The following ARHGAP22 variants were observed in gnomAD, a reference collection of about 807,000 sequenced individuals.
ARHGAP22 encodes rho GTPase-activating protein 22.
Under a neutral mutation model 59.1 loss-of-function variants are expected in ARHGAP22, and 48 were observed. The observed-to-expected ratio is 0.81, with a 90% confidence interval of 0.64 to 1.03. The LOEUF (loss-of-function observed/expected upper bound fraction) is 1.03. Among genes scored for constraint, ARHGAP22 ranks in the 50% least tolerant of loss-of-function variants. ARHGAP22 has a pLI of 0.00. For synonymous variants in ARHGAP22, 445 were observed against 416.4 expected (o/e 1.07, Z -0.84); for missense variants, 1,015 against 958.7 (o/e 1.06, Z -0.78).
At position 48,626,109 on chromosome 10, in the gene ARHGAP22, C is replaced by T. The variant is rs117647759; in HGVS notation, c.52+26125G>A. On this transcript the variant is annotated intron_variant, in intron 1 of 9. Transcript: ENST00000435790. ...ATCAACCCCATTTTTGGCCCAGCAG[C>T]GTGGATACTAGCATACTATTTGAAG... Among the ~76,000 whole-genome samples, 42 of 152,270 alleles carry T rather than the reference C, an allele frequency of 2.8e-4. No individual in the cohort carries two copies. The East Asian group carries it at 7.5e-3, about 27-fold the overall frequency.
At chr10:48,539,232 TA>T (rs1447848910) in intron 3 of ARHGAP22, among the ~76,000 whole-genome samples, 1 of 152,038 alleles carries the variant, frequency 6.6e-6, no homozygotes, top group Non-Finnish European at 1.5e-5. Context: ...TTTAGTTCAT[TA>T]CTTTTGAATA....
intron 3 of ARHGAP22, among the ~76,000 whole-genome samples, chr10:48,522,802 T>A (rs1425482387): frequency 6.6e-6 from 1 of 152,224 alleles, no homozygotes; most frequent in Admixed American, 6.5e-5. Context: ...TCTGGGACAA[T>A]GAGAACCTTG....
the ARHGAP22 span, among the ~76,000 whole-genome samples, chr10:48,433,401 G>A: frequency 6.6e-6 from 1 of 152,070 alleles, no homozygotes; most frequent in African/African-American, 2.4e-5. Flanking sequence ...TACTATGTAT[G>A]GTACACAGAT....
chr10:48,561,750 G>A (rs990909406), intron 2 of ARHGAP22, among the ~76,000 whole-genome samples: 3 of 152,194 alleles, frequency 2.0e-5, no homozygotes, highest in African/African-American at 7.2e-5. Context: ...AACATCATTA[G>A]TAGTTAGGAA....
intron 2 of ARHGAP22, among the ~76,000 whole-genome samples, chr10:48,563,564 C>T (rs1400918558): frequency 2.0e-5 from 3 of 152,172 alleles, no homozygotes; most frequent in African/African-American, 4.8e-5. Context: ...AAATGCTTGC[C>T]ATCGTAACAT....
At chr10:48,535,364 T>C (rs1030027337) in intron 3 of ARHGAP22, among the ~76,000 whole-genome samples, 19 of 152,196 alleles carry the variant, frequency 1.2e-4, no homozygotes, top group African/African-American at 4.1e-4. Context: ...CTGCTCCATG[T>C]GGTCACTCAG....
intron 3 of ARHGAP22, among the ~76,000 whole-genome samples, chr10:48,516,874 A>C (rs917503448): frequency 6.6e-6 from 1 of 152,240 alleles, no homozygotes; most frequent in African/African-American, 2.4e-5. Flanking sequence ...AAATCTACTG[A>C]TGAATGGATA....
chr10:48,511,782 C>T (rs1002867895), intron 3 of ARHGAP22, among the ~76,000 whole-genome samples: 2 of 152,340 alleles, frequency 1.3e-5, no homozygotes, highest in East Asian at 3.9e-4. Context: ...GTGGGGTTGC[C>T]TGGTCCTGAA....
intron 3 of ARHGAP22, among the ~76,000 whole-genome samples, chr10:48,534,565 C>T (rs535713485): frequency 4.6e-5 from 7 of 152,336 alleles, no homozygotes; most frequent in African/African-American, 9.6e-5. Context: ...GAGGCGGTCT[C>T]GGTTACCTGA....
intron 2 of ARHGAP22, among the ~76,000 whole-genome samples, chr10:48,557,561 G>A (rs906148848): frequency 1.4e-4 from 21 of 152,296 alleles, no homozygotes; most frequent in African/African-American, 5.1e-4. Context: ...TGTGCCCACC[G>A]CCCACAAGGG....
At chr10:48,531,659 CG>C (rs1437192761) in intron 3 of ARHGAP22, among the ~76,000 whole-genome samples, 16 of 4,004 alleles carry the variant, frequency 4.0e-3, no homozygotes, top group Non-Finnish European at 0.013. Flanking sequence ...AGGAGGGCAC[CG>C]AAGTACAGAG....
intron 9 of ARHGAP22, among the ~76,000 whole-genome samples, chr10:48,448,233 G>T (rs901035351): frequency 6.6e-6 from 1 of 152,198 alleles, no homozygotes; most frequent in Non-Finnish European, 1.5e-5. Context: ...GGGGTCTTGG[G>T]GTCAGTGCTG....
At chr10:48,553,564 G>T (rs139255300) in intron 3 of ARHGAP22, among the ~76,000 whole-genome samples, 2 of 152,164 alleles carry the variant, frequency 1.3e-5, no homozygotes, top group Non-Finnish European at 2.9e-5. Context: ...TAATCTCCAC[G>T]GTCTGTTTTT....
intron 1 of ARHGAP22, among the ~76,000 whole-genome samples, chr10:48,636,313 C>A (rs78623561): frequency 0.044 from 6,663 of 152,278 alleles, 193 homozygotes; most frequent in Admixed American, 0.072. Context: ...CCCAGCCCTG[C>A]ATCCATGCTG....
chr10:48,640,018 G>T (rs1303434110), intron 1 of ARHGAP22, among the ~76,000 whole-genome samples: 1 of 152,126 alleles, frequency 6.6e-6, no homozygotes. Context: ...ATTTCAATGA[G>T]ATAGAAAATA....
rs150781280 is a variant in ARHGAP22 at position 48,602,802 on chromosome 10, T to C, written c.34+1961A>G. Reference sequence around the variant, plus strand: ...AGGAGTATACAACTGCAACCTATGGTAAATACCATAAAGAAAAGGAGAGAT... The same window carrying C: ...AGGAGTATACAACTGCAACCTATGGCAAATACCATAAAGAAAAGGAGAGAT... On this transcript the variant is annotated intron_variant, in intron 1 of 9. Transcript: ENST00000249601. 4.5e-3 allele frequency among the ~76,000 whole-genome samples: 687 copies of C among 152,164 alleles called. 3 individuals carry two copies. The highest frequency in any genetic ancestry group is 0.016 in the African/African-American group (654 of 41,510).
chr10:48,503,787 G>A (rs879858925), intron 3 of ARHGAP22, among the ~76,000 whole-genome samples: 3 of 152,250 alleles, frequency 2.0e-5, no homozygotes, highest in Non-Finnish European at 4.4e-5. Context: ...GGTATGAGTG[G>A]TGCCTGCACC....
At chr10:48,510,803 C>T (rs990169603) in intron 3 of ARHGAP22, 18 of 152,200 alleles carry the variant, frequency 1.2e-4, no homozygotes, top group Admixed American at 8.5e-4. Flanking sequence ...CCTAGCTGGC[C>T]CGCTGACATG....
intron 2 of ARHGAP22, among the ~76,000 whole-genome samples, chr10:48,573,647 A>C (rs1396313749): frequency 6.6e-6 from 1 of 152,238 alleles, no homozygotes; most frequent in Non-Finnish European, 1.5e-5. Context: ...CTTTCATTTC[A>C]GAACCCATTC....
Sources: allele counts gnomAD v4.1 joint callset (sites outside exome capture counted in the v4.1 genomes callset), GRCh38; gene constraint gnomAD v4.1.1; transcripts MANE v1.5; gene names NCBI Gene and HGNC (gene_info 2026-07-23, HGNC 2026-07-21).